Variants in MTOR observed in about 807,000 individuals in gnomAD.
The protein encoded by MTOR is serine/threonine-protein kinase mTOR.
A neutral mutation model predicts 319.8 loss-of-function variants in MTOR; 70 were observed. The ratio of observed to expected loss-of-function variants is 0.22; its 90% CI spans 0.18 to 0.27. The LOEUF is 0.27. MTOR is among the 10% of genes least tolerant of loss of function. The probability of loss-of-function intolerance (pLI) is 1.00; values close to 1 mark genes in which losing one functional copy is unlikely to be tolerated. For missense variants in MTOR, 1,890 were observed against 3,274.4 expected (o/e 0.58, Z 10.32); for synonymous variants, 1,183 against 1,211.4 (o/e 0.98, Z 0.49).
chr1:11,142,846 G>A (rs1447260201), intron 34 of MTOR, among the ~76,000 whole-genome samples: 3 of 152,182 alleles, frequency 2.0e-5, no homozygotes, highest in Non-Finnish European at 4.4e-5. Context: ...CCCTATGGGA[G>A]GGTCTTAGGA....
chr1:11,189,392 C>T (rs1645431838), intron 28 of MTOR: 1 of 708,826 alleles, frequency 1.4e-6, no homozygotes, highest in Admixed American at 2.7e-5. Context: ...CCATTCAGCT[C>T]CCCTGTCAGA....
chr1:11,181,364 A>G (rs1015258494), intron 28 of MTOR, among the ~76,000 whole-genome samples: 3 of 152,144 alleles, frequency 2.0e-5, no homozygotes, highest in African/African-American at 7.2e-5. Flanking sequence ...TATTGATTTA[A>G]AAAATGGGGT....
Position 11,112,933 on chromosome 1 carries a change from A to C in MTOR, c.7301-16T>G, listed in dbSNP as rs760608880. On this transcript the variant is annotated splice_polypyrimidine_tract_variant and intron_variant, in intron 53 of 57. Transcript: ENST00000361445. ...TTGGTATTTGCTAGGGAGAGAAATAAAGAGTATTGAAACATGCTTCAAATT... is the reference window on the plus strand; with the variant it reads ...TTGGTATTTGCTAGGGAGAGAAATACAGAGTATTGAAACATGCTTCAAATT... The C allele has an allele frequency of 2.9e-5, 46 of 1,612,330 alleles. No individual in the cohort carries two copies. The Admixed American group carries it at 3.5e-4, about 12-fold the overall frequency.
At chr1:11,231,796 G>A (rs1647025388) in intron 16 of MTOR, among the ~76,000 whole-genome samples, 1 of 152,204 alleles carries the variant, frequency 6.6e-6, no homozygotes, top group Non-Finnish European at 1.5e-5. Context: ...TGTGATAACA[G>A]TTCACTGCAG....
intron 23 of MTOR, among the ~76,000 whole-genome samples, chr1:11,211,648 T>C (rs1646317056): frequency 6.6e-6 from 1 of 152,190 alleles, no homozygotes; most frequent in South Asian, 2.1e-4. Flanking sequence ...ATTACGGGTG[T>C]GAGTCACTGT....
At chr1:11,111,339 AGCATGGTGG>A (rs1320433227) in intron 54 of MTOR, among the ~76,000 whole-genome samples, 2 of 151,882 alleles carry the variant, frequency 1.3e-5, no homozygotes, top group Non-Finnish European at 2.9e-5. Flanking sequence ...AAATTAGCTG[AGCATGGTGG>A]CATGCGTCTG....
chr1:11,235,863 T>G (rs1275867944), intron 13 of MTOR, among the ~76,000 whole-genome samples: 2 of 151,832 alleles, frequency 1.3e-5, no homozygotes, highest in African/African-American at 4.8e-5. Context: ...GCGCCTGTAG[T>G]CCCAGCTACT....
intron 28 of MTOR, among the ~76,000 whole-genome samples, chr1:11,197,127 C>T (rs548275931): frequency 6.6e-6 from 1 of 152,246 alleles, no homozygotes; most frequent in African/African-American, 2.4e-5. Context: ...AGCTCTCTAG[C>T]AGCCACTGTG....
chr1:11,205,875 A>C (rs374329812), intron 25 of MTOR, among the ~76,000 whole-genome samples: 39 of 152,296 alleles, frequency 2.6e-4, no homozygotes, highest in African/African-American at 8.9e-4. Context: ...CAAACTTTGG[A>C]CTAGTGAAGT....
chr1:11,109,110 A>G lies in MTOR; in HGVS notation c.7528+180T>C, dbSNP rs942667719. On this transcript the variant is annotated intron_variant, in intron 56 of 57. Transcript: ENST00000361445. This position sits in a 1 kb window ranked among gnomAD's most constrained non-coding sequence, Gnocchi z 4.0. ...TAAACTAACATTAAGTACTGTTATC[A>G]GTCATCAGAAAGAAGAATCAGAGAC... Among the ~76,000 whole-genome samples, 2 of 152,252 alleles carry G rather than the reference A, an allele frequency of 1.3e-5. No individual in the cohort carries two copies. The highest frequency in any genetic ancestry group is 1.3e-4 in the Admixed American group (2 of 15,288).
intron 23 of MTOR, 60 bp from the exon 24 acceptor site, chr1:11,210,966 A>G: frequency 2.9e-6 from 3 of 1,024,506 alleles, no homozygotes; most frequent in Non-Finnish European, 3.0e-6. Flanking sequence ...GAAAAAGTAG[A>G]GGAAAAAATA....
chr1:11,230,976 G>C lies in MTOR; in HGVS notation c.2728C>G (p.Arg910Gly). ...GACAGGCTGACAGCAGAGGCATCCC[G>C]GGACTGGTCTATCATGCCAATGTTC... ...KVNIGMIDQS[R>G]DASAVSLSES... Residue 910 changes from arginine (R) to glycine (G), a missense_variant, in exon 18 of 58, where the codon CGG becomes GGG. Physicochemically the swap from Arg to Gly is moderately radical, Grantham distance 125 (BLOSUM62 -2). Around this residue, in one of 15 missense-constraint regions of MTOR, gnomAD observed 377 missense variants for 653.9 expected, o/e 0.58. Coordinates refer to ENST00000361445, the MANE Select transcript of MTOR (RefSeq NM_004958.4). 6.2e-7 allele frequency: 1 copy of C among 1,614,094 alleles called. No individual in the cohort carries two copies. Among genetic ancestry groups the C allele is most frequent in the Non-Finnish European group, 8.5e-7 (1 of 1,180,008 alleles).
chr1:11,148,496 G>A (rs762014973), intron 31 of MTOR, among the ~76,000 whole-genome samples: 1 of 152,040 alleles, frequency 6.6e-6, no homozygotes, highest in Non-Finnish European at 1.5e-5. Context: ...AGGTAGAATG[G>A]TTTAAGAAAA....
At chr1:11,217,773 AG>A (rs1646520562) in intron 19 of MTOR, among the ~76,000 whole-genome samples, 1 of 152,064 alleles carries the variant, frequency 6.6e-6, no homozygotes, top group Non-Finnish European at 1.5e-5. Flanking sequence ...AGGATAATTT[AG>A]AAAATGAACA....
chr1:11,251,651 G>GTTTTTTT (rs1649694947), intron 6 of MTOR, among the ~76,000 whole-genome samples: 1 of 130,822 alleles, frequency 7.6e-6, no homozygotes, highest in African/African-American at 3.0e-5. Context: ...TATTTAGATA[G>GTTTTTTT]TTTCTTTTTT....
intron 11 of MTOR, 150 bp downstream of exon 11, chr1:11,240,153 G>A (rs1235636518): frequency 9.3e-7 from 1 of 1,073,706 alleles, no homozygotes; most frequent in East Asian, 2.7e-5. Flanking sequence ...CCAATACGTG[G>A]AAAGAGTCTA....
Position 11,128,516 on chromosome 1 carries a change from T to TGGGC in MTOR, c.5844_5847dup (p.Arg1950AlafsTer33). The TGGGC allele has an allele frequency of 6.2e-7, 1 of 1,614,234 alleles. No individual in the cohort carries two copies. The highest frequency in any genetic ancestry group is 8.5e-7 in the Non-Finnish European group (1 of 1,180,038). On this transcript the variant is annotated frameshift_variant, in exon 42 of 58. Transcript: ENST00000361445. LOFTEE classifies it high-confidence loss of function. The surrounding 1 kb of genome is among the most constrained non-coding windows in gnomAD (Gnocchi z 5.3). Reference sequence around the variant, plus strand: ...TGAATGAGACGTCCCACCAAGGGTCTGGGCGTATCAATTCTTGCAATGAGC... The same window carrying TGGGC: ...TGAATGAGACGTCCCACCAAGGGTCTGGGCGGGCGTATCAATTCTTGCAATGAGC...
intron 28 of MTOR, among the ~76,000 whole-genome samples, chr1:11,198,844 A>C (rs780316284): frequency 7.2e-5 from 11 of 152,234 alleles, no homozygotes; most frequent in Non-Finnish European, 1.6e-4. Flanking sequence ...TGCAGGCATC[A>C]ATAGATTTAG....
chr1:11,237,485 G>A (rs990265418), intron 13 of MTOR, among the ~76,000 whole-genome samples: 33 of 152,122 alleles, frequency 2.2e-4, no homozygotes, highest in Non-Finnish European at 4.9e-4. Context: ...AAAAGCAGGA[G>A]AGCTGAAGGA....
Sources: gnomAD v4.1 joint callset for allele counts (sites outside exome capture counted in the v4.1 genomes callset) on GRCh38, gnomAD v4.1.1 for gene constraint, gnomAD v4.1.1 regional missense constraint, Gnocchi (gnomAD v3.1) non-coding constraint, MANE v1.5 for transcripts, NCBI Gene and HGNC (gene_info 2026-07-23, HGNC 2026-07-21) for gene names.